CAPN15: variants seen among roughly 807,000 people sequenced by gnomAD.
CAPN15 encodes the protein calpain 15, also known as calpain-15.
In CAPN15, 53 loss-of-function variants were observed where a neutral mutation model predicts 97.9. The ratio of observed to expected loss-of-function variants is 0.54; its 90% confidence interval spans 0.43 to 0.68. The LOEUF is 0.68. Ranked by LOEUF, CAPN15 falls within the 30% of genes least tolerant of loss-of-function variation. CAPN15 has a pLI of 0.00. For synonymous variants in CAPN15, 922 were observed against 722.5 expected, an observed-to-expected ratio of 1.28 and a Z score of -4.43; for missense variants, 1,592 against 1,589.8, an observed-to-expected ratio of 1.00 and a Z score of -0.02.
chr16:549,127 C>T lies in CAPN15; in HGVS notation c.1584C>T (p.Asp528=), dbSNP rs1435604838. ...AGATCAACTGCTCCGTCTTCAGGGA[C>T]CACAGGGCCACGTGGTCTGTGTTCC... ...PQEINCSVFR[D]HRATWSVFHT... The change falls in exon 5 of 14, where the codon GAC becomes GAT. Residue 528 remains aspartate (D), a synonymous_variant. Coordinates refer to ENST00000219611, the MANE Select transcript of CAPN15 (RefSeq NM_005632.3). 3 of 1,611,978 alleles carry T rather than the reference C, an allele frequency of 1.9e-6. No homozygotes were observed. The highest frequency in any genetic ancestry group is 8.5e-7 in the Non-Finnish European group (1 of 1,179,906).
rs2035128204 is a variant in CAPN15, at chr16:552,093, G to C, written c.2388G>C (p.Trp796Cys). The C allele has an allele frequency of 1.3e-6, 2 of 1,549,244 alleles. No individual in the cohort carries two copies. The highest frequency in any genetic ancestry group is 1.7e-6 in the Non-Finnish European group (2 of 1,146,940). ...ACATCTGTAAGGTGCACTCGGACTG[G>C]CAGGAGGCGCGGGTGCAGGGCTGCT... The part of the protein sequence containing the change: ...SVDICKVHSD[W>C]QEARVQGCFP... The change falls in exon 10 of 14, where the codon TGG (tryptophan) becomes TGC (cysteine). Residue 796 changes from tryptophan (W) to cysteine (C), a missense_variant. This residue lies in a region of CAPN15 where 644 missense variants were observed against 699.6 expected (regional missense o/e 0.92). Coordinates refer to ENST00000219611, the MANE Select transcript of CAPN15 (RefSeq NM_005632.3). This position sits in a 1 kb window ranked among gnomAD's most constrained non-coding sequence, Gnocchi z 6.4.
intron 3 of CAPN15, among the ~76,000 whole-genome samples, chr16:545,475 C>T (rs1005923954): frequency 3.9e-5 from 6 of 152,252 alleles, no homozygotes; most frequent in Non-Finnish European, 8.8e-5. Context: ...TCGCCCTCCT[C>T]ACCCGTGTCC....
chr16:548,072 C>G lies in CAPN15; in HGVS notation c.1234C>G (p.Arg412Gly). 6.5e-7 allele frequency: 1 copy of G among 1,539,072 alleles called. No homozygotes were observed. The highest frequency in any genetic ancestry group is 2.4e-5 in the East Asian group (1 of 41,180). Residue 412 changes from arginine (R) to glycine (G), a missense_variant, in exon 4 of 14, where the codon CGC becomes GGC. Around this residue, in one of 3 missense-constraint regions of CAPN15, gnomAD observed 883 missense variants for 776.6 expected, o/e 1.14. Coordinates refer to ENST00000219611, the MANE Select transcript of CAPN15 (RefSeq NM_005632.3). ...AQKAARVLPE[R>G]PGQWACPACT... The stretch of plus-strand genomic sequence containing the variant: ...GAAGGCCGCCCGCGTCCTGCCCGAG[C>G]GCCCGGGCCAGTGGGCCTGCCCTGC...
chr16:536,474 G>A (rs901240982), intron 3 of CAPN15, among the ~76,000 whole-genome samples: 1 of 151,630 alleles, frequency 6.6e-6, no homozygotes, highest in African/African-American at 2.4e-5. Flanking sequence ...CCCGGCTGGA[G>A]TGCAGTGGCG....
intron 3 of CAPN15, among the ~76,000 whole-genome samples, chr16:544,704 TCGCCTCCCCCA>T (rs1596340748): frequency 1.1e-3 from 139 of 125,770 alleles, no homozygotes; most frequent in African/African-American, 1.9e-3. Flanking sequence ...CTCCCCCACG[TCGCCTCCCCCA>T]CGTCGCCTCC....
At chr16:550,736 C>A (rs533129518) in intron 7 of CAPN15, among the ~76,000 whole-genome samples, 1 of 124,438 alleles carries the variant, frequency 8.0e-6, no homozygotes, top group African/African-American at 3.1e-5. Context: ...GGGTCCCCGT[C>A]GGTGAGGGTC....
chr16:550,195 A>G (rs2034891270), intron 7 of CAPN15, among the ~76,000 whole-genome samples: 3 of 152,250 alleles, frequency 2.0e-5, no homozygotes, highest in South Asian at 4.1e-4. Flanking sequence ...GTTTGGCCAC[A>G]CTCTGGTCAG....
intron 1 of CAPN15, among the ~76,000 whole-genome samples, chr16:533,207 C>T (rs954103807): frequency 1.2e-4 from 19 of 152,130 alleles, no homozygotes; most frequent in African/African-American, 4.1e-4. Context: ...GGTGACAGAG[C>T]GAGGCTCTAT....
At position 554,603 on chromosome 16, in the gene CAPN15, C is replaced by T. The variant is rs1233672780; in HGVS notation, c.*1087C>T. On this transcript the variant is annotated 3_prime_UTR_variant, in exon 14 of 14. Transcript: ENST00000219611. Reference sequence around the variant, plus strand: ...TCCACAGTGGCTTCCGACTCAGGCTCCAATGGACCAAATAAAAGCGTTTTG... The same window carrying T: ...TCCACAGTGGCTTCCGACTCAGGCTTCAATGGACCAAATAAAAGCGTTTTG... The T allele has an allele frequency of 2.2e-6, 1 of 456,248 alleles. No homozygotes were observed. The highest frequency in any genetic ancestry group is 6.9e-5 in the East Asian group (1 of 14,394). The allele number at this position is 456,248 out of a possible 1,614,324, so 28.3% of individuals were successfully genotyped here. A position where few individuals can be genotyped will look rare whatever the true frequency, so the allele number is the denominator to read the frequency against.
At position 547,766 on chromosome 16, in the gene CAPN15, G is replaced by T. The variant is rs753297893; in HGVS notation, c.928G>T (p.Val310Leu). 6 of 1,610,202 alleles carry T rather than the reference G, an allele frequency of 3.7e-6. No homozygotes were observed. The highest frequency in any genetic ancestry group is 5.1e-6 in the Non-Finnish European group (6 of 1,178,496). Reference sequence around the variant, plus strand: ...GGCCACGGAGGGTGGCACCAGCCGCGTAGAGGCCGGCAGCTCCACCTCGGG... The same window carrying T: ...GGCCACGGAGGGTGGCACCAGCCGCTTAGAGGCCGGCAGCTCCACCTCGGG... ...EEATEGGTSR[V>L]EAGSSTSGSD... The change falls in exon 4 of 14, where the codon GTA becomes TTA. Residue 310 changes from valine to leucine, a missense_variant. Val to Leu is a conservative substitution (Grantham distance 32, BLOSUM62 1). Coordinates refer to ENST00000219611, the MANE Select transcript of CAPN15 (RefSeq NM_005632.3).
chr16:549,587 G>C (rs753518845), intron 6 of CAPN15, 28 bp from the exon 7 acceptor site: 1 of 1,514,404 alleles, frequency 6.6e-7, no homozygotes, highest in South Asian at 1.2e-5. Context: ...GGGCGGGCGG[G>C]GGTGGCCTCT....
At position 547,486 on chromosome 16, in the gene CAPN15, C is replaced by G. The variant is rs2034675663; in HGVS notation, c.648C>G (p.Thr216=). 6.3e-7 allele frequency: 1 copy of G among 1,597,190 alleles called. No homozygotes were observed. The highest frequency in any genetic ancestry group is 1.7e-5 in the Admixed American group (1 of 59,886). The change falls in exon 4 of 14, where the codon ACC becomes ACG. Residue 216 remains threonine, a synonymous_variant. Transcript: ENST00000219611. ...GTGCCGAGGCCAACCCCCCAGCCACCAGCCAGGGCCCAGCTGCCGAACCAG... is the reference window on the plus strand; with the variant it reads ...GTGCCGAGGCCAACCCCCCAGCCACGAGCCAGGGCCCAGCTGCCGAACCAG... The part of the protein sequence containing the change: ...GEGAEANPPA[T]SQGPAAEPEP...
chr16:533,724 G>A (rs1004527183), intron 1 of CAPN15, among the ~76,000 whole-genome samples: 6 of 152,240 alleles, frequency 3.9e-5, no homozygotes, highest in Admixed American at 3.9e-4. Flanking sequence ...CCAGGGTAGT[G>A]AGGAGCCTGC....
In CAPN15 at chr16:533,957, G is replaced by C. The variant is rs2033462239; in HGVS notation, c.-178G>C. 4 of 985,510 alleles carry C rather than the reference G, an allele frequency of 4.1e-6. No homozygotes were observed. Among genetic ancestry groups the C allele is most frequent in the Non-Finnish European group, 4.8e-6 (4 of 829,972 alleles). The allele number at this position is 985,510 out of a possible 1,614,324, so 61.0% of individuals were successfully genotyped here. ...GCCTCCCTTTCTAGGCAGCAGCCCAGACGCGGCACAGAGAGGGCCTGGGAG... is the reference window on the plus strand; with the variant it reads ...GCCTCCCTTTCTAGGCAGCAGCCCACACGCGGCACAGAGAGGGCCTGGGAG... On this transcript the variant is annotated 5_prime_UTR_variant, in exon 2 of 14. Coordinates refer to ENST00000219611, the MANE Select transcript of CAPN15 (RefSeq NM_005632.3).
intron 3 of CAPN15, among the ~76,000 whole-genome samples, chr16:542,318 G>A (rs1372796555): frequency 2.0e-5 from 3 of 152,204 alleles, no homozygotes; most frequent in Non-Finnish European, 2.9e-5. Context: ...TTGCTGGGGC[G>A]TGTGGTGAAC....
chr16:542,730 G>A (rs1040577512), intron 3 of CAPN15, among the ~76,000 whole-genome samples: 1 of 151,798 alleles, frequency 6.6e-6, no homozygotes, highest in South Asian at 2.1e-4. Flanking sequence ...TGGAACTACA[G>A]GCGTGCACCA....
rs748409110 is a variant in CAPN15 at position 553,060 on chromosome 16, C to T, written c.3083+19C>T. 1 of 1,170,382 alleles carries T rather than the reference C, an allele frequency of 8.5e-7. No homozygotes were observed. The highest frequency in any genetic ancestry group is 1.7e-5 in the African/African-American group (1 of 59,996). 72.5% of individuals were successfully genotyped at this position (1,170,382 alleles called of 1,614,324 possible). A position where few individuals can be genotyped will look rare whatever the true frequency, so the allele number is the denominator to read the frequency against. On this transcript the variant is annotated intron_variant, in intron 13 of 13. Transcript: ENST00000219611. ...TGCACAGGTGCGCCCCCGCCCCTGCCCCCCCACCCCTGCACAGGTGCCCCC... is the reference window on the plus strand; with the variant it reads ...TGCACAGGTGCGCCCCCGCCCCTGCTCCCCCACCCCTGCACAGGTGCCCCC...
intron 3 of CAPN15, among the ~76,000 whole-genome samples, chr16:542,920 G>A (rs373913197): frequency 1.4e-4 from 22 of 152,244 alleles, no homozygotes; most frequent in East Asian, 7.7e-4. Flanking sequence ...GCGTGGTGAC[G>A]GGCACCTATA....
Position 547,591 on chromosome 16 carries a change from T to TC in CAPN15, c.760dup (p.Gln254ProfsTer8), listed in dbSNP as rs1334169568. 3 of 1,574,228 alleles carry TC rather than the reference T, an allele frequency of 1.9e-6. No homozygotes were observed. The highest frequency in any genetic ancestry group is 2.6e-6 in the Non-Finnish European group (3 of 1,162,442). On this transcript the variant is annotated frameshift_variant, in exon 4 of 14. Transcript: ENST00000219611. LOFTEE classifies it high-confidence loss of function. The stretch of plus-strand genomic sequence containing the variant: ...CCGTGCCGCGCAGCCGACGCGAGGT[T>TC]CCCCCCCAGCTGCAGCCACCGGTGC...
Sources: gnomAD v4.1 joint callset for allele counts (sites outside exome capture counted in the v4.1 genomes callset) on GRCh38, gnomAD v4.1.1 for gene constraint, gnomAD v4.1.1 regional missense constraint, Gnocchi (gnomAD v3.1) non-coding constraint, MANE v1.5 for transcripts, NCBI Gene and HGNC (gene_info 2026-07-23, HGNC 2026-07-21) for gene names.